ARHGAP8: variants seen among roughly 807,000 people sequenced by gnomAD.
ARHGAP8 encodes the protein Rho GTPase activating protein 8.
ARHGAP8 carries 62 observed loss-of-function variants against 46.1 expected under a neutral mutation model. That is an observed-to-expected ratio of 1.34 (90% CI 1.10 to 1.66). The LOEUF (loss-of-function observed/expected upper bound fraction) is 1.66, where lower values mean the gene tolerates loss of function less well. ARHGAP8 is among the 40% of genes most tolerant of loss of function. The pLI, the probability that ARHGAP8 is intolerant of heterozygous loss-of-function variation, is 0.00. For missense variants in ARHGAP8, 923 were observed against 568.4 expected, an observed-to-expected ratio of 1.62 and a Z score of -6.34; for synonymous variants, 375 against 243.1, an observed-to-expected ratio of 1.54 and a Z score of -5.05.
rs371667000 is a variant in ARHGAP8 at position 44,784,452 on chromosome 22, T to C, written c.-71-2005T>C. On this transcript the variant is annotated intron_variant, in intron 1 of 11. Coordinates refer to ENST00000356099, the MANE Select transcript of ARHGAP8 (RefSeq NM_181335.3). ...CAGTATAAAAATTCCTTACATAGCA[T>C]TTACATTGTATTTGGTATTATAAGT... Among the ~76,000 whole-genome samples the C allele has an allele frequency of 8.5e-5, 13 of 152,276 alleles. No homozygotes were observed. In the East Asian group the frequency reaches 1.9e-3, roughly 23 times the overall value.
At chr22:44,816,203 G>C (rs1036508527) in intron 5 of ARHGAP8, among the ~76,000 whole-genome samples, 2 of 152,036 alleles carry the variant, frequency 1.3e-5, no homozygotes, top group African/African-American at 2.4e-5. Flanking sequence ...GTCTCTTCTC[G>C]TGCCCCACAG....
intron 3 of ARHGAP8, among the ~76,000 whole-genome samples, chr22:44,805,329 C>G (rs1017670074): frequency 6.6e-6 from 1 of 152,190 alleles, no homozygotes; most frequent in Non-Finnish European, 1.5e-5. Flanking sequence ...GACTGTTGAA[C>G]AGGTCTCAGT....
At chr22:44,809,866 C>T (rs1244848306) in intron 4 of ARHGAP8, 1 of 152,268 alleles carries the variant, frequency 6.6e-6, no homozygotes, top group Non-Finnish European at 1.5e-5. Flanking sequence ...GCCTGAATGT[C>T]CCAGAAGTCC....
At chr22:44,838,042 C>T (rs2147145561) in intron 7 of ARHGAP8, among the ~76,000 whole-genome samples, 1 of 152,230 alleles carries the variant, frequency 6.6e-6, no homozygotes, top group South Asian at 2.1e-4. Context: ...GGCACAGTCT[C>T]AGCTCGCTGC....
intron 1 of ARHGAP8, among the ~76,000 whole-genome samples, chr22:44,762,822 G>C (rs1374145262): frequency 1.3e-5 from 2 of 152,088 alleles, no homozygotes; most frequent in Non-Finnish European, 2.9e-5. Flanking sequence ...GGGATTACAG[G>C]CATGAGCCAC....
rs772723134 is a variant in ARHGAP8, at chr22:44,802,171, G to A, written c.167+7G>A. The A allele has an allele frequency of 6.2e-7, 1 of 1,613,906 alleles. No homozygotes were observed. Among genetic ancestry groups the A allele is most frequent in the African/African-American group, 1.3e-5 (1 of 74,918 alleles). On this transcript the variant is annotated splice_region_variant and intron_variant, in intron 3 of 11. Transcript: ENST00000356099. ...ACCACCAGCGGCTGCTGGAGTAAGT[G>A]TTCTGCCCCCTCTCTTTCTGTCCCT...
intron 2 of ARHGAP8, among the ~76,000 whole-genome samples, chr22:44,793,569 A>G (rs5012766): frequency 0.2 from 30,446 of 152,034 alleles, 3,317 homozygotes; most frequent in East Asian, 0.43. Context: ...CCCTCCCGAT[A>G]GATTGCTACT....
chr22:44,779,920 T>C (rs5765005), intron 1 of ARHGAP8, among the ~76,000 whole-genome samples: 132,652 of 152,056 alleles, frequency 0.87, 57,932 homozygotes, highest in Non-Finnish European at 0.89. Context: ...GGGCATTTCC[T>C]CAAACCCTGC....
intron 5 of ARHGAP8, among the ~76,000 whole-genome samples, chr22:44,816,750 G>C (rs955480820): frequency 8.9e-5 from 13 of 146,354 alleles, no homozygotes; most frequent in Non-Finnish European, 1.6e-4. Flanking sequence ...GGCTGCAGTG[G>C]CTTGTGTTTG....
chr22:44,804,898 T>C (rs1928827221), intron 3 of ARHGAP8, among the ~76,000 whole-genome samples: 1 of 152,152 alleles, frequency 6.6e-6, no homozygotes, highest in Admixed American at 6.5e-5. Context: ...GGGAGCGACT[T>C]CCACCAGTGC....
At chr22:44,860,899 A>G (rs1253896142) in intron 11 of ARHGAP8, among the ~76,000 whole-genome samples, 1 of 152,198 alleles carries the variant, frequency 6.6e-6, no homozygotes, top group Non-Finnish European at 1.5e-5. Flanking sequence ...TAGGCGTCAC[A>G]TCCCAGAGTC....
chr22:44,777,997 ATTTT>A (rs1926547180), intron 1 of ARHGAP8, among the ~76,000 whole-genome samples: 1 of 142,086 alleles, frequency 7.0e-6, no homozygotes, highest in Non-Finnish European at 1.5e-5. Context: ...TGCCTGGACT[ATTTT>A]ATTTATTTAT....
intron 4 of ARHGAP8, among the ~76,000 whole-genome samples, chr22:44,813,682 G>A (rs1929523480): frequency 6.7e-6 from 1 of 148,360 alleles, no homozygotes; most frequent in African/African-American, 2.5e-5. Flanking sequence ...CACACCCCTA[G>A]GTATACCTAC....
chr22:44,796,198 C>T (rs148703652), intron 2 of ARHGAP8, among the ~76,000 whole-genome samples: 4,807 of 152,266 alleles, frequency 0.032, 119 homozygotes, highest in Non-Finnish European at 0.048. Flanking sequence ...GTTCTGCTCC[C>T]GGGAATGGCC....
chr22:44,772,223 C>CTTTTTTTTTTTTTTTTTTT (rs71188484), intron 1 of ARHGAP8, among the ~76,000 whole-genome samples: 2 of 16,424 alleles, frequency 1.2e-4, no homozygotes, highest in Non-Finnish European at 1.6e-4. Flanking sequence ...ACTGTTTTGC[C>CTTTTTTTTTTTTTTTTTTT]TTTTTTTTTT....
intron 1 of ARHGAP8, among the ~76,000 whole-genome samples, chr22:44,770,614 C>T (rs1458416335): frequency 6.6e-6 from 1 of 152,144 alleles, no homozygotes; most frequent in Non-Finnish European, 1.5e-5. Flanking sequence ...CCATGATGCC[C>T]AGGCTGGTCT....
chr22:44,799,631 C>G (rs991732238), intron 2 of ARHGAP8, among the ~76,000 whole-genome samples: 1 of 152,156 alleles, frequency 6.6e-6, no homozygotes, highest in African/African-American at 2.4e-5. Flanking sequence ...GCTCCCTCCC[C>G]ACTGCTGCCT....
At position 44,859,769 on chromosome 22, in the gene ARHGAP8, A is replaced by T. The variant is rs1251858293; in HGVS notation, c.916A>T (p.Ile306Phe). 8.7e-6 allele frequency: 14 copies of T among 1,614,024 alleles called. No homozygotes were observed. The highest frequency in any genetic ancestry group is 1.2e-5 in the Non-Finnish European group (14 of 1,180,024). The change falls in exon 11 of 12, where the codon ATC (isoleucine) becomes TTC (phenylalanine). Residue 306 changes from isoleucine to phenylalanine, a missense_variant. Transcript: ENST00000356099. The part of the protein sequence containing the change: ...SSLRVTGCRQ[I>F]LRSLPEHNYV... Reference sequence around the variant, plus strand: ...CCTGCGTGTCACTGGCTGCCGCCAGATCTTACGGAGCCTCCCAGAGCACAA... The same window carrying T: ...CCTGCGTGTCACTGGCTGCCGCCAGTTCTTACGGAGCCTCCCAGAGCACAA...
intron 2 of ARHGAP8, among the ~76,000 whole-genome samples, chr22:44,791,294 T>C (rs972245413): frequency 1.3e-5 from 2 of 151,838 alleles, no homozygotes; most frequent in African/African-American, 4.8e-5. Flanking sequence ...GTTGTCAGAG[T>C]CGACACTTGA....
Sources: gnomAD v4.1 joint callset for allele counts (sites outside exome capture counted in the v4.1 genomes callset) on GRCh38, gnomAD v4.1.1 for gene constraint, MANE v1.5 for transcripts, NCBI Gene and HGNC (gene_info 2026-07-23, HGNC 2026-07-21) for gene names.